Variants in TENM2 observed in about 807,000 individuals in gnomAD.
TENM2 encodes the protein teneurin-2.
Under a neutral mutation model 245.2 loss-of-function variants are expected in TENM2, and 52 were observed. That is an observed-to-expected ratio of 0.21 (90% CI 0.17 to 0.27). TENM2 has a LOEUF of 0.27. Among genes scored for constraint, TENM2 ranks in the 10% least tolerant of loss-of-function variants. The probability of loss-of-function intolerance (pLI) is 1.00; values close to 1 mark genes in which losing one functional copy is unlikely to be tolerated. For missense variants in TENM2, 3,046 were observed against 3,666.8 expected (o/e 0.83, Z 4.37); for synonymous variants, 1,363 against 1,438.9 (o/e 0.95, Z 1.19).
intron 2 of TENM2, among the ~76,000 whole-genome samples, chr5:167,566,700 G>C (rs756053645): frequency 6.6e-6 from 1 of 152,138 alleles, no homozygotes; most frequent in Non-Finnish European, 1.5e-5. Flanking sequence ...TCAGTAACAA[G>C]AACCAAATAG....
At chr5:167,887,493 T>C (rs73370998) in intron 3 of TENM2, among the ~76,000 whole-genome samples, 1,770 of 152,328 alleles carry the variant, frequency 0.012, 40 homozygotes, top group African/African-American at 0.039. Flanking sequence ...CCATCTGTGA[T>C]TGTGGATGTG....
At chr5:167,278,441 C>T in the TENM2 span, among the ~76,000 whole-genome samples, 2 of 152,112 alleles carry the variant, frequency 1.3e-5, no homozygotes, top group Non-Finnish European at 1.5e-5. Context: ...TATTTTAGGG[C>T]TTAAGTTTGC....
chr5:168,069,399 C>T (rs1353966579), intron 7 of TENM2, among the ~76,000 whole-genome samples: 3 of 152,174 alleles, frequency 2.0e-5, no homozygotes, highest in Non-Finnish European at 4.4e-5. Context: ...AGTAAGGATG[C>T]TTTGTAGGGA....
chr5:167,932,755 A>G (rs1778382327), intron 3 of TENM2, among the ~76,000 whole-genome samples: 1 of 152,022 alleles, frequency 6.6e-6, no homozygotes. Context: ...CGCAGTCTCT[A>G]TCACATATTC....
chr5:167,397,293 A>G (rs1356833085), intron 2 of TENM2, among the ~76,000 whole-genome samples: 1 of 152,128 alleles, frequency 6.6e-6, no homozygotes, highest in African/African-American at 2.4e-5. Context: ...CTCAAAAAAA[A>G]TGAAAGATAA....
At chr5:167,991,622 C>T (rs1444211035) in intron 4 of TENM2, among the ~76,000 whole-genome samples, 3 of 152,318 alleles carry the variant, frequency 2.0e-5, no homozygotes, top group African/African-American at 7.2e-5. Flanking sequence ...TCCTCTTCTA[C>T]ACTGCCTGTT....
intron 2 of TENM2, among the ~76,000 whole-genome samples, chr5:167,474,014 T>G (rs1053476439): frequency 6.6e-6 from 1 of 152,140 alleles, no homozygotes; most frequent in Non-Finnish European, 1.5e-5. Flanking sequence ...AATGATTTTT[T>G]CCTAGCAGGA....
At chr5:167,376,920 C>T (rs1760785984) in intron 2 of TENM2, among the ~76,000 whole-genome samples, 1 of 152,174 alleles carries the variant, frequency 6.6e-6, no homozygotes, top group African/African-American at 2.4e-5. Flanking sequence ...AATAAAATCA[C>T]TTGTAATCCA....
intron 12 of TENM2, among the ~76,000 whole-genome samples, chr5:168,155,540 G>T: frequency 6.6e-6 from 1 of 151,998 alleles, no homozygotes; most frequent in East Asian, 1.9e-4. Flanking sequence ...TTCTCACTCA[G>T]CCCGTCCAAT....
chr5:167,813,854 C>A (rs1766830370), intron 2 of TENM2, among the ~76,000 whole-genome samples: 3 of 152,138 alleles, frequency 2.0e-5, no homozygotes, highest in African/African-American at 7.2e-5. Flanking sequence ...CATCTTTCCA[C>A]CATCCTACAT....
chr5:167,351,273 T>C (rs1300018787), intron 1 of TENM2, among the ~76,000 whole-genome samples: 2 of 152,004 alleles, frequency 1.3e-5, no homozygotes, highest in African/African-American at 4.8e-5. Context: ...TCAATAATGC[T>C]GATGACTAGG....
chr5:168,093,320 T>C (rs1038063035), intron 8 of TENM2, among the ~76,000 whole-genome samples: 1 of 152,186 alleles, frequency 6.6e-6, no homozygotes, highest in African/African-American at 2.4e-5. Flanking sequence ...ATCTCTCTTG[T>C]CTGGACTGTA....
In TENM2 at chr5:168,185,424, C is replaced by G. The variant is rs544018656; in HGVS notation, c.2570-4913C>G. The stretch of plus-strand genomic sequence containing the variant: ...ACTGTACAGACAATAACTGCTTTAA[C>G]CCTCCCAGCAGCACTATCTACCATC... On this transcript the variant is annotated intron_variant, in intron 13 of 28. Transcript: ENST00000518659. 4.8e-4 allele frequency among the ~76,000 whole-genome samples: 73 copies of G among 152,188 alleles called. 3 individuals are homozygous for G. The South Asian group carries it at 0.014, about 30-fold the overall frequency.
At chr5:167,801,907 C>CACAG (rs2150953763) in intron 2 of TENM2, among the ~76,000 whole-genome samples, 1 of 142,664 alleles carries the variant, frequency 7.0e-6, no homozygotes, top group South Asian at 2.1e-4. Flanking sequence ...CACACACAGA[C>CACAG]ACACACACAC....
At chr5:167,729,810 T>G (rs771933212) in intron 2 of TENM2, among the ~76,000 whole-genome samples, 1 of 152,248 alleles carries the variant, frequency 6.6e-6, no homozygotes, top group Non-Finnish European at 1.5e-5. Context: ...ATAGTTCTCC[T>G]CTGTGAAGGT....
intron 1 of TENM2, among the ~76,000 whole-genome samples, chr5:167,312,800 C>G (rs1287374845): frequency 6.6e-6 from 1 of 151,850 alleles, no homozygotes; most frequent in South Asian, 2.1e-4. Flanking sequence ...TTGGTCTAAA[C>G]TGCAGTGTTC....
At chr5:167,290,494 C>G (rs1464965661) in intron 1 of TENM2, among the ~76,000 whole-genome samples, 1 of 152,166 alleles carries the variant, frequency 6.6e-6, no homozygotes, top group African/African-American at 2.4e-5. Flanking sequence ...CTCTCCGACC[C>G]TAATAATACT....
At chr5:167,469,222 A>G (rs1766855687) in intron 2 of TENM2, among the ~76,000 whole-genome samples, 1 of 152,136 alleles carries the variant, frequency 6.6e-6, no homozygotes, top group African/African-American at 2.4e-5. Flanking sequence ...GCTGCATCAA[A>G]ATGCATATTT....
At chr5:167,353,902 A>C (rs1759141142) in intron 1 of TENM2, among the ~76,000 whole-genome samples, 1 of 152,178 alleles carries the variant, frequency 6.6e-6, no homozygotes, top group Non-Finnish European at 1.5e-5. Flanking sequence ...AACCAAATGA[A>C]TGAAATCTGT....
Sources: gnomAD v4.1 joint callset for allele counts (sites outside exome capture counted in the v4.1 genomes callset) on GRCh38, gnomAD v4.1.1 for gene constraint, MANE v1.5 for transcripts, NCBI Gene and HGNC (gene_info 2026-07-23, HGNC 2026-07-21) for gene names.